The following ELOVL5 variants were observed in gnomAD, a reference collection of about 807,000 sequenced individuals.
The protein encoded by ELOVL5 is very long chain fatty acid elongase 5.
ELOVL5 carries 8 observed loss-of-function variants against 38.6 expected under a neutral mutation model. The observed-to-expected ratio is 0.21, with a 90% confidence interval of 0.12 to 0.37. The LOEUF is 0.37. ELOVL5 is among the 10% of genes least tolerant of loss of function. The pLI, the probability that ELOVL5 is intolerant of heterozygous loss-of-function variation, is 1.00. For missense variants in ELOVL5, 280 were observed against 367.8 expected (o/e 0.76, Z 1.95); for synonymous variants, 127 against 133.7 (o/e 0.95, Z 0.34).
chr6:53,275,019 T>C, intron 5 of ELOVL5, 71 bp downstream of exon 5: 2 of 1,457,438 alleles, frequency 1.4e-6, no homozygotes, highest in Non-Finnish European at 1.9e-6. Flanking sequence ...CAGCACCTTT[T>C]CTGAAAGCCT....
rs1196956256 is a variant in ELOVL5 at position 53,267,893 on chromosome 6, TGA to T, written c.*1232_*1233del. 2 of 152,256 alleles carry T rather than the reference TGA, an allele frequency of 1.3e-5. No individual in the cohort carries two copies. The highest frequency in any genetic ancestry group is 2.9e-5 in the Non-Finnish European group (2 of 68,032). 9.4% of individuals were successfully genotyped at this position (152,256 alleles called of 1,614,324 possible). ...CTGTTTGACCACTGCCTCAAATGTG[TGA>T]GATGTGATTTTATGATAAGCAGTCT... On this transcript the variant is annotated 3_prime_UTR_variant, in exon 8 of 8. Transcript: ENST00000304434.
chr6:53,309,978 G>A (rs1373545604), intron 1 of ELOVL5, among the ~76,000 whole-genome samples: 1 of 152,164 alleles, frequency 6.6e-6, no homozygotes, highest in Non-Finnish European at 1.5e-5. Context: ...GCATTTTAAG[G>A]TGGCAAATTT....
intron 1 of ELOVL5, among the ~76,000 whole-genome samples, chr6:53,326,657 T>C (rs1768554330): frequency 6.6e-6 from 1 of 152,196 alleles, no homozygotes; most frequent in Non-Finnish European, 1.5e-5. Flanking sequence ...ATTCTAATCA[T>C]ACTCCAAATA....
chr6:53,270,978 T>TAC (rs1251111363), intron 6 of ELOVL5, among the ~76,000 whole-genome samples: 1 of 152,232 alleles, frequency 6.6e-6, no homozygotes, highest in Non-Finnish European at 1.5e-5. Flanking sequence ...ATTTCAAGGA[T>TAC]ACACTATAGA....
At chr6:53,303,082 C>A (rs1466576817) in intron 1 of ELOVL5, among the ~76,000 whole-genome samples, 5 of 152,114 alleles carry the variant, frequency 3.3e-5, no homozygotes, top group Non-Finnish European at 5.9e-5. Flanking sequence ...CTGCCAGTTA[C>A]ACAGAATGAA....
intron 3 of ELOVL5, chr6:53,287,727 G>A: frequency 1.4e-6 from 1 of 712,188 alleles, no homozygotes; most frequent in Non-Finnish European, 2.4e-6. Context: ...GGTGTTGCTG[G>A]GGTTTGAGTA....
In ELOVL5 at chr6:53,342,453, A is replaced by G. The variant is rs562938742; in HGVS notation, c.-9+6364T>C. Among the ~76,000 whole-genome samples the G allele has an allele frequency of 5.1e-4, 78 of 152,336 alleles. 1 individual carries two copies. The highest frequency in any genetic ancestry group is 1.8e-3 in the African/African-American group (76 of 41,570). ...CATAAAACACAGACCTGAGTGGCCAATTCGCCAGCATGGCTTCAATTAGGT... is the reference window on the plus strand; with the variant it reads ...CATAAAACACAGACCTGAGTGGCCAGTTCGCCAGCATGGCTTCAATTAGGT... On this transcript the variant is annotated intron_variant, in intron 1 of 7. Coordinates refer to ENST00000304434, the MANE Select transcript of ELOVL5 (RefSeq NM_021814.5).
intron 5 of ELOVL5, 140 bp downstream of exon 5, chr6:53,274,950 C>T (rs1766056773): frequency 1.3e-6 from 1 of 799,264 alleles, no homozygotes; most frequent in Non-Finnish European, 2.0e-6. Context: ...GGTACATAAA[C>T]TATCATTAAA....
chr6:53,300,720 G>A (rs2127577865), intron 1 of ELOVL5, among the ~76,000 whole-genome samples: 1 of 152,280 alleles, frequency 6.6e-6, no homozygotes. Context: ...ACAATGGGAG[G>A]CCTTCTGTCC....
At chr6:53,269,902 CTGAGCCTCGGGACT>C (rs1372577775) in intron 7 of ELOVL5, among the ~76,000 whole-genome samples, 1 of 152,228 alleles carries the variant, frequency 6.6e-6, no homozygotes, top group Non-Finnish European at 1.5e-5. Flanking sequence ...GGACAAATGT[CTGAGCCTCGGGACT>C]TGCAGCCTCT....
rs1401447263 is a variant in ELOVL5, at chr6:53,268,822, A to C, written c.*305T>G. The stretch of plus-strand genomic sequence containing the variant: ...TGGATTACAGTGTTTTTAAATTGTG[A>C]ATCACAATTCAGCACCTATCATGTT... On this transcript the variant is annotated 3_prime_UTR_variant, in exon 8 of 8. Coordinates refer to ENST00000304434, the MANE Select transcript of ELOVL5 (RefSeq NM_021814.5). The C allele has an allele frequency of 1.3e-5, 3 of 225,198 alleles. No homozygotes were observed. Among genetic ancestry groups the C allele is most frequent in the Non-Finnish European group, 2.6e-5 (3 of 116,414 alleles). 13.9% of individuals were successfully genotyped at this position (225,198 alleles called of 1,614,324 possible). A position where few individuals can be genotyped will look rare whatever the true frequency, so the allele number is the denominator to read the frequency against.
chr6:53,331,464 G>A (rs1768799298), intron 1 of ELOVL5, among the ~76,000 whole-genome samples: 1 of 152,172 alleles, frequency 6.6e-6, no homozygotes, highest in African/African-American at 2.4e-5. Flanking sequence ...AGAATTAGCA[G>A]TGCAGTAGGT....
intron 1 of ELOVL5, among the ~76,000 whole-genome samples, chr6:53,304,775 G>A (rs1458575517): frequency 1.3e-5 from 2 of 152,210 alleles, no homozygotes; most frequent in Non-Finnish European, 2.9e-5. Context: ...TCCCAACGCA[G>A]AAGAATTTTT....
rs538414722 is a variant in ELOVL5 at position 53,321,819 on chromosome 6, C to T, written c.-8-26112G>A. On this transcript the variant is annotated intron_variant, in intron 1 of 7. Coordinates refer to ENST00000304434, the MANE Select transcript of ELOVL5 (RefSeq NM_021814.5). ...TGAAAATTTGTGTAAAGAGCCATTT[C>T]GGCTAACACTGGTAAGAGAAAAGTG... is the stretch of plus-strand genomic sequence containing the variant. 5.9e-4 allele frequency among the ~76,000 whole-genome samples: 90 copies of T among 152,304 alleles called. 3 individuals are homozygous for T. In the South Asian group the frequency reaches 0.018, roughly 31 times the overall value.
Position 53,348,869 on chromosome 6 carries a change from C to T in ELOVL5, c.-61G>A, listed in dbSNP as rs768470292. On this transcript the variant is annotated 5_prime_UTR_variant, in exon 1 of 8. Coordinates refer to ENST00000304434, the MANE Select transcript of ELOVL5 (RefSeq NM_021814.5). ...TTGAGCAGCAGCAAGGCGGCGGCGG[C>T]GGAGGGAGCGCGGGTGGCAGCCGGC... 11 of 456,344 alleles carry T rather than the reference C, an allele frequency of 2.4e-5. No homozygotes were observed. Among genetic ancestry groups the T allele is most frequent in the East Asian group, 7.2e-5 (1 of 13,868 alleles). The allele number at this position is 456,344 out of a possible 1,614,324, so 28.3% of individuals were successfully genotyped here. A position where few individuals can be genotyped will look rare whatever the true frequency, so the allele number is the denominator to read the frequency against.
chr6:53,295,026 TTTG>T (rs1766936836), intron 2 of ELOVL5, among the ~76,000 whole-genome samples: 1 of 152,218 alleles, frequency 6.6e-6, no homozygotes, highest in Admixed American at 6.5e-5. Flanking sequence ...ACTAAGTCCT[TTTG>T]TTATTTCTTT....
chr6:53,295,570 T>C, intron 2 of ELOVL5, 72 bp downstream of exon 2: 4 of 951,020 alleles, frequency 4.2e-6, no homozygotes, highest in Non-Finnish European at 6.5e-6. Context: ...TATCTCCTCA[T>C]GCAATATTTA....
intron 1 of ELOVL5, among the ~76,000 whole-genome samples, chr6:53,328,957 A>T (rs987191080): frequency 1.3e-5 from 2 of 152,200 alleles, no homozygotes; most frequent in Non-Finnish European, 2.9e-5. Flanking sequence ...CTGTCTACAA[A>T]AAGTACCTTA....
intron 6 of ELOVL5, among the ~76,000 whole-genome samples, chr6:53,271,605 A>G (rs1225400131): frequency 6.6e-6 from 1 of 152,134 alleles, no homozygotes; most frequent in East Asian, 1.9e-4. Context: ...TATTTCTAGC[A>G]GCTCCAATGT....
Sources: allele counts gnomAD v4.1 joint callset (sites outside exome capture counted in the v4.1 genomes callset), GRCh38; gene constraint gnomAD v4.1.1; transcripts MANE v1.5; gene names NCBI Gene and HGNC (gene_info 2026-07-23, HGNC 2026-07-21).